Variants in PCDHGB4 observed in about 807,000 individuals in gnomAD.
The protein encoded by PCDHGB4 is protocadherin gamma subfamily B, 4.
PCDHGB4 carries 38 observed loss-of-function variants against 60.5 expected under a neutral mutation model. The ratio of observed to expected loss-of-function variants is 0.63; its 90% CI spans 0.48 to 0.82. The LOEUF (loss-of-function observed/expected upper bound fraction) is 0.82, where lower values mean the gene tolerates loss of function less well. Ranked by LOEUF, PCDHGB4 falls within the 40% of genes least tolerant of loss-of-function variation. PCDHGB4 has a pLI of 0.00. For missense variants in PCDHGB4, 1,109 were observed against 1,209.6 expected (o/e 0.92, Z 1.23); for synonymous variants, 456 against 509.7 (o/e 0.89, Z 1.42).
intron 1 of PCDHGB4, chr5:141,418,256 T>C: frequency 1.2e-6 from 2 of 1,614,046 alleles, no homozygotes; most frequent in Non-Finnish European, 1.7e-6. Context: ...CGCCCCTCAA[T>C]TCCGGAAAGA....
chr5:141,481,913 C>CAAAAAAAAAAAAA (rs34114744), intron 1 of PCDHGB4, among the ~76,000 whole-genome samples: 1 of 90,852 alleles, frequency 1.1e-5, no homozygotes. Flanking sequence ...AACTCCATCT[C>CAAAAAAAAAAAAA]AAAAAAAAAA....
chr5:141,408,958 T>A, intron 1 of PCDHGB4: 8 of 1,613,670 alleles, frequency 5.0e-6, no homozygotes, highest in Non-Finnish European at 6.8e-6. Flanking sequence ...TTAGTCTTAG[T>A]GAAAATCTGC....
At chr5:141,441,404 C>T (rs1231257776) in intron 1 of PCDHGB4, 1 of 155,262 alleles carries the variant, frequency 6.4e-6, no homozygotes, top group Admixed American at 6.5e-5. Context: ...ATCAGCATCA[C>T]TGCCACTGAC....
intron 1 of PCDHGB4, chr5:141,399,601 C>T: frequency 6.2e-7 from 1 of 1,613,986 alleles, no homozygotes; most frequent in South Asian, 1.1e-5. Context: ...GGCCAGCGAC[C>T]TAGAGCCTCT....
intron 1 of PCDHGB4, among the ~76,000 whole-genome samples, chr5:141,455,289 A>C (rs1592356100): frequency 6.6e-6 from 1 of 152,074 alleles, no homozygotes; most frequent in South Asian, 2.1e-4. Flanking sequence ...ATCACTTTAC[A>C]TAGTTTCATC....
chr5:141,419,264 G>T (rs2096351955), intron 1 of PCDHGB4: 1 of 1,614,036 alleles, frequency 6.2e-7, no homozygotes, highest in Non-Finnish European at 8.5e-7. Context: ...CCAGCCGGGT[G>T]CCTCCATAGC....
intron 1 of PCDHGB4, chr5:141,398,802 C>A: frequency 6.2e-7 from 1 of 1,613,982 alleles, no homozygotes; most frequent in Non-Finnish European, 8.5e-7. Context: ...TAAGCGGCAC[C>A]ACTGAGCTCC....
intron 1 of PCDHGB4, among the ~76,000 whole-genome samples, chr5:141,480,895 A>G (rs1275670492): frequency 6.6e-6 from 1 of 152,048 alleles, no homozygotes; most frequent in African/African-American, 2.4e-5. Flanking sequence ...AAATGCAAAC[A>G]TTAGCTGGGC....
At chr5:141,395,727 T>G (rs895493332) in intron 1 of PCDHGB4, 1 of 153,998 alleles carries the variant, frequency 6.5e-6, no homozygotes, top group Non-Finnish European at 1.4e-5. Flanking sequence ...TGTAGATTTC[T>G]TCACTTTAAA....
At chr5:141,408,450 A>C in intron 1 of PCDHGB4, 1 of 1,613,944 alleles carries the variant, frequency 6.2e-7, no homozygotes, top group Non-Finnish European at 8.5e-7. Flanking sequence ...GAGAGCGGGG[A>C]CTTACTTGTG....
At chr5:141,419,542 G>C (rs771168003) in intron 1 of PCDHGB4, 3 of 1,612,016 alleles carry the variant, frequency 1.9e-6, no homozygotes, top group South Asian at 2.2e-5. Flanking sequence ...ACGCACCGCG[G>C]GTGCTGTACC....
In PCDHGB4 at chr5:141,432,927, G is replaced by T. The variant is rs774982939; in HGVS notation, c.2397+42646G>T. ...AGGCTGCGGCGCTGGCACAAGTCAC[G>T]CCTGCTGCAGGCTTCAGGAGGCGGC... is the stretch of plus-strand genomic sequence containing the variant. On this transcript the variant is annotated intron_variant, in intron 1 of 3. Coordinates refer to ENST00000519479, the MANE Select transcript of PCDHGB4 (RefSeq NM_003736.4). This position sits in a 1 kb window ranked among gnomAD's most constrained non-coding sequence, Gnocchi z 6.0. 1.9e-6 allele frequency: 3 copies of T among 1,614,162 alleles called. No homozygotes were observed. In the Admixed American group the frequency reaches 5.0e-5, roughly 27 times the overall value.
intron 1 of PCDHGB4, chr5:141,395,898 GC>G (rs1337402820): frequency 6.6e-6 from 1 of 151,994 alleles, no homozygotes; most frequent in Non-Finnish European, 1.5e-5. Context: ...TGGGCTCCAT[GC>G]CCATGGAGAC....
chr5:141,464,306 A>G (rs1438401635), intron 1 of PCDHGB4, among the ~76,000 whole-genome samples: 3 of 150,952 alleles, frequency 2.0e-5, no homozygotes. Context: ...TTGTATGTGC[A>G]CATATCATTA....
chr5:141,438,627 TATATATATACACACAC>T (rs1396288881), intron 1 of PCDHGB4, among the ~76,000 whole-genome samples: 69 of 48,002 alleles, frequency 1.4e-3, no homozygotes, highest in Admixed American at 2.8e-3. Flanking sequence ...TATATATATA[TATATATATACACACAC>T]ACACACACAT....
At chr5:141,427,525 C>T (rs779318429) in intron 1 of PCDHGB4, 9 of 611,980 alleles carry the variant, frequency 1.5e-5, no homozygotes, top group South Asian at 3.0e-5. Flanking sequence ...GAGCGGATCC[C>T]GGAGTACAAC....
At chr5:141,400,186 TACCTAG>T (rs1474148355) in intron 1 of PCDHGB4, 1 of 1,614,068 alleles carries the variant, frequency 6.2e-7, no homozygotes, top group Non-Finnish European at 8.5e-7. Flanking sequence ...GCTGCAGTTT[TACCTAG>T]TGGTGGCCTT....
At chr5:141,471,185 A>G (rs58340688) in intron 1 of PCDHGB4, 16,257 of 151,174 alleles carry the variant, frequency 0.11, 890 homozygotes, top group South Asian at 0.15. Context: ...TAGTAGCTGG[A>G]ATTACAGGCA....
chr5:141,413,381 G>A, intron 1 of PCDHGB4: 1 of 1,613,946 alleles, frequency 6.2e-7, no homozygotes, highest in Non-Finnish European at 8.5e-7. Flanking sequence ...CGCGGAGTCC[G>A]CATAGTCTCC....
Sources: allele counts gnomAD v4.1 joint callset (sites outside exome capture counted in the v4.1 genomes callset), GRCh38; gene constraint gnomAD v4.1.1; non-coding constraint Gnocchi (gnomAD v3.1); transcripts MANE v1.5; gene names NCBI Gene and HGNC (gene_info 2026-07-23, HGNC 2026-07-21).